The following EFCAB8 variants were observed in gnomAD, a reference collection of about 807,000 sequenced individuals.
EFCAB8 encodes EF-hand calcium binding domain 8, also known as EF-hand calcium-binding domain-containing protein 8.
EFCAB8 carries 100 observed loss-of-function variants against 116.3 expected under a neutral mutation model. The ratio of observed to expected loss-of-function variants is 0.86; its 90% CI spans 0.73 to 1.02. The LOEUF (loss-of-function observed/expected upper bound fraction) is 1.02. EFCAB8 is among the 50% of genes least tolerant of loss of function. The pLI is 0.00. For missense variants in EFCAB8, 1,320 were observed against 1,416.9 expected, an observed-to-expected ratio of 0.93 and a Z score of 1.10; for synonymous variants, 558 against 567.9, an observed-to-expected ratio of 0.98 and a Z score of 0.25.
chr20:32,944,259 C>T (rs1229370485), intron 23 of EFCAB8, among the ~76,000 whole-genome samples: 1 of 152,000 alleles, frequency 6.6e-6, no homozygotes, highest in East Asian at 1.9e-4. Flanking sequence ...CCTGTGCTGT[C>T]TTCCTATGTG....
At chr20:32,864,301 A>G (rs1984276685) in intron 2 of EFCAB8, among the ~76,000 whole-genome samples, 1 of 149,734 alleles carries the variant, frequency 6.7e-6, no homozygotes, top group South Asian at 2.3e-4. Context: ...GGGCTGCCTG[A>G]GACTGGGTAT....
At chr20:32,942,643 CAATATATT>C in intron 22 of EFCAB8, among the ~76,000 whole-genome samples, 1 of 152,216 alleles carries the variant, frequency 6.6e-6, no homozygotes, top group African/African-American at 2.4e-5. Flanking sequence ...TTAAAAATTA[CAATATATT>C]TTTTGGTGTT....
At chr20:32,913,190 A>G (rs1987023393) in intron 17 of EFCAB8, among the ~76,000 whole-genome samples, 1 of 152,176 alleles carries the variant, frequency 6.6e-6, no homozygotes, top group Non-Finnish European at 1.5e-5. Flanking sequence ...AGTTGCTTAT[A>G]AACAACATAA....
chr20:32,953,255 G>A (rs1348351518), intron 23 of EFCAB8, among the ~76,000 whole-genome samples: 2 of 152,018 alleles, frequency 1.3e-5, no homozygotes, highest in Non-Finnish European at 2.9e-5. Flanking sequence ...CCACCTCTTG[G>A]CTGTTGTGAA....
At chr20:32,859,368 G>C (rs537921680) in intron 1 of EFCAB8, among the ~76,000 whole-genome samples, 1 of 152,252 alleles carries the variant, frequency 6.6e-6, no homozygotes, top group African/African-American at 2.4e-5. Flanking sequence ...AATATCAACC[G>C]AGTTTTACAT....
At chr20:32,899,763 G>A (rs571105832) in intron 11 of EFCAB8, among the ~76,000 whole-genome samples, 1 of 151,984 alleles carries the variant, frequency 6.6e-6, no homozygotes, top group African/African-American at 2.4e-5. Context: ...TAGTAGAGAC[G>A]GGGTTTCTCT....
At chr20:32,935,422 A>T (rs1273853092) in intron 22 of EFCAB8, among the ~76,000 whole-genome samples, 2 of 150,760 alleles carry the variant, frequency 1.3e-5, no homozygotes. Context: ...CTGGTCCCGA[A>T]CTCCTGACCT....
chr20:32,906,794 A>G, intron 12 of EFCAB8, 49 bp from the exon 13 acceptor site: 1 of 924,318 alleles, frequency 1.1e-6, no homozygotes, highest in Non-Finnish European at 1.7e-6. Context: ...CAGTGGGTGA[A>G]GGTCCCCAGT....
At chr20:32,936,578 C>T (rs1988127324) in intron 22 of EFCAB8, among the ~76,000 whole-genome samples, 1 of 152,026 alleles carries the variant, frequency 6.6e-6, no homozygotes, top group Non-Finnish European at 1.5e-5. Context: ...GTCTTTTCCC[C>T]ATTATGTATT....
At chr20:32,859,260 G>C (rs1215143514) in intron 1 of EFCAB8, among the ~76,000 whole-genome samples, 1 of 152,136 alleles carries the variant, frequency 6.6e-6, no homozygotes, top group Non-Finnish European at 1.5e-5. Context: ...CACCTGCCTT[G>C]CCCTGCCCCT....
rs1987229955 is a variant in EFCAB8 at position 32,917,235 on chromosome 20, C to T, written c.1857-66C>T. 4 of 1,279,198 alleles carry T rather than the reference C, an allele frequency of 3.1e-6. No homozygotes were observed. The Admixed American group carries it at 6.3e-5, about 20-fold the overall frequency. 79.2% of individuals were successfully genotyped at this position (1,279,198 alleles called of 1,614,324 possible). A position where few individuals can be genotyped will look rare whatever the true frequency, so the allele number is the denominator to read the frequency against. On this transcript the variant is annotated intron_variant, in intron 17 of 26. Transcript: ENST00000400522. The stretch of plus-strand genomic sequence containing the variant: ...TCCCAGAATCCTCAAGGCTCCAGTG[C>T]TTCCCCAATGGATGGAGCATTACAG...
Position 32,934,642 on chromosome 20 carries a change from G to A in EFCAB8, c.2790+3306G>A, listed in dbSNP as rs145886440. 5.3e-3 allele frequency among the ~76,000 whole-genome samples: 801 copies of A among 152,280 alleles called. 8 individuals are homozygous for A. Among genetic ancestry groups the A allele is most frequent in the African/African-American group, 0.019 (773 of 41,540 alleles). ...AGCTGTCGTGGGAGGGACCTGGTGGGAGGTAATTGAATCGTGGGGGTGGGT... is the reference window on the plus strand; with the variant it reads ...AGCTGTCGTGGGAGGGACCTGGTGGAAGGTAATTGAATCGTGGGGGTGGGT... On this transcript the variant is annotated intron_variant, in intron 22 of 26. Coordinates refer to ENST00000400522, the MANE Select transcript of EFCAB8 (RefSeq NM_001143967.2).
At chr20:32,881,477 G>A (rs1399614327) in intron 5 of EFCAB8, among the ~76,000 whole-genome samples, 3 of 152,214 alleles carry the variant, frequency 2.0e-5, no homozygotes, top group African/African-American at 4.8e-5. Flanking sequence ...GATTACAGGC[G>A]TGAGCCACCG....
In EFCAB8 at chr20:32,918,440, A is replaced by G; in HGVS notation, c.2140A>G (p.Lys714Glu). The G allele has an allele frequency of 2.6e-6, 4 of 1,551,710 alleles. No homozygotes were observed. The highest frequency in any genetic ancestry group is 3.5e-6 in the Non-Finnish European group (4 of 1,146,996). The change falls in exon 19 of 27, where the codon AAG becomes GAG. Residue 714 changes from lysine to glutamate, a missense_variant. By Grantham distance (56) the Lys-to-Glu change is moderately conservative (BLOSUM62 1). Transcript: ENST00000400522. ...TGTGGAGCGGGAGAAGTGGACATAC[A>G]AGACCTCCAGGAAGCTCTCCAGTCT... ...PYVEREKWTY[K>E]TSRKLSSLSP...
At chr20:32,887,819 C>T (rs1041165850) in intron 6 of EFCAB8, among the ~76,000 whole-genome samples, 1 of 152,184 alleles carries the variant, frequency 6.6e-6, no homozygotes, top group African/African-American at 2.4e-5. Flanking sequence ...CTGGGCACCA[C>T]CCTCAATGCT....
chr20:32,955,842 C>A (rs867828128), intron 23 of EFCAB8, among the ~76,000 whole-genome samples: 19 of 152,150 alleles, frequency 1.2e-4, no homozygotes, highest in Admixed American at 1.2e-3. Context: ...TTGTTAAAAA[C>A]GACCCTTTCA....
rs34185318 is a variant in EFCAB8 at position 32,910,738 on chromosome 20, C to CTTTTTT, written c.1558-725_1558-720dup. On this transcript the variant is annotated intron_variant, in intron 15 of 26. Transcript: ENST00000400522. ...TGGTCTGAAACCACCTCACTTGCTA[C>CTTTTTT]TTTTTTTTTTTTTTTTTTTTTTGCC... Among the ~76,000 whole-genome samples the CTTTTTT allele has an allele frequency of 3.4e-4, 37 of 107,312 alleles. 3 individuals are homozygous for CTTTTTT. Among genetic ancestry groups the CTTTTTT allele is most frequent in the South Asian group, 5.7e-4 (2 of 3,494 alleles). The allele number at this position is 107,312 out of a possible 152,430, so 70.4% of individuals were successfully genotyped here.
In EFCAB8 at chr20:32,866,812, T is replaced by TCTTC. The variant is rs983167163; in HGVS notation, c.43-756_43-753dup. Among the ~76,000 whole-genome samples the TCTTC allele has an allele frequency of 9.1e-4, 114 of 124,634 alleles. 1 individual carries two copies. In the East Asian group the frequency reaches 0.029, roughly 31 times the overall value. The allele number at this position is 124,634 out of a possible 152,430, so 81.8% of individuals were successfully genotyped here. A position where few individuals can be genotyped will look rare whatever the true frequency, so the allele number is the denominator to read the frequency against. On this transcript the variant is annotated intron_variant, in intron 2 of 26. Coordinates refer to ENST00000400522, the MANE Select transcript of EFCAB8 (RefSeq NM_001143967.2). ...CCTTCCTTCCCTCCCTCCCTCCCTC[T>TCTTC]CTTCCTTCCTTCCTTCCCTCCTTCC... is the stretch of plus-strand genomic sequence containing the variant.
intron 23 of EFCAB8, among the ~76,000 whole-genome samples, chr20:32,949,319 C>G (rs190394030): frequency 6.6e-6 from 1 of 152,172 alleles, no homozygotes; most frequent in Non-Finnish European, 1.5e-5. Flanking sequence ...GTAGAAGACT[C>G]TCTGATTAAG....
Sources: gnomAD v4.1 joint callset for allele counts (sites outside exome capture counted in the v4.1 genomes callset) on GRCh38, gnomAD v4.1.1 for gene constraint, MANE v1.5 for transcripts, NCBI Gene and HGNC (gene_info 2026-07-23, HGNC 2026-07-21) for gene names.